CBR4: variants seen among roughly 807,000 people sequenced by gnomAD.
The protein encoded by CBR4 is 3-oxoacyl-[acyl-carrier-protein] reductase.
CBR4 carries 22 observed loss-of-function variants against 21.0 expected under a neutral mutation model. The observed-to-expected ratio is 1.05, with a 90% confidence interval of 0.75 to 1.50. The LOEUF (loss-of-function observed/expected upper bound fraction) is 1.50, where lower values mean the gene tolerates loss of function less well. CBR4 is among the 40% of genes most tolerant of loss of function. CBR4 has a pLI of 0.00. For synonymous variants in CBR4, 100 were observed against 104.4 expected, an observed-to-expected ratio of 0.96 and a Z score of 0.26; for missense variants, 302 against 286.3, an observed-to-expected ratio of 1.05 and a Z score of -0.40.
intron 2 of CBR4, among the ~76,000 whole-genome samples, chr4:168,922,384 C>A (rs1285939265): frequency 6.6e-6 from 1 of 152,126 alleles, no homozygotes; most frequent in Non-Finnish European, 1.5e-5. Context: ...ACATTTATTT[C>A]TTCTACCTCT....
chr4:168,966,356 CAAA>C (rs1215042926), intron 2 of CBR4, among the ~76,000 whole-genome samples: 1,054 of 75,200 alleles, frequency 0.014, 17 homozygotes, highest in African/African-American at 0.051. Flanking sequence ...ACTAAAAATA[CAAA>C]AAAAAAAAAA....
intron 2 of CBR4, among the ~76,000 whole-genome samples, chr4:168,968,095 GC>G (rs36087221): frequency 0.9 from 137,745 of 152,218 alleles, 62,411 homozygotes; most frequent in East Asian, 0.96. Flanking sequence ...CCAAAAGCCA[GC>G]CAAGTAATTT....
chr4:168,924,242 C>CATG (rs1479649043), intron 2 of CBR4: 1 of 1,610,860 alleles, frequency 6.2e-7, no homozygotes, highest in Non-Finnish European at 8.5e-7. Flanking sequence ...GAATTCATCT[C>CATG]ATGTTTTCTT....
intron 2 of CBR4, among the ~76,000 whole-genome samples, chr4:168,938,326 A>C (rs1175919009): frequency 2.0e-5 from 3 of 152,244 alleles, no homozygotes; most frequent in African/African-American, 2.4e-5. Context: ...ATTTAGAGGG[A>C]AATTTATAGC....
intron 2 of CBR4, among the ~76,000 whole-genome samples, chr4:168,955,986 T>G (rs1337115611): frequency 6.6e-6 from 1 of 151,990 alleles, no homozygotes; most frequent in Non-Finnish European, 1.5e-5. Flanking sequence ...ACCCCTTAAG[T>G]AAGGGGATTA....
At chr4:168,909,047 G>A (rs1212840607) in intron 2 of CBR4, among the ~76,000 whole-genome samples, 2 of 152,158 alleles carry the variant, frequency 1.3e-5, no homozygotes, top group Non-Finnish European at 2.9e-5. Context: ...ATTCATAAGA[G>A]ACCAAAGCAA....
chr4:168,978,619 C>A (rs1764445981), intron 2 of CBR4, among the ~76,000 whole-genome samples: 1 of 152,156 alleles, frequency 6.6e-6, no homozygotes. Context: ...CCCTGACCCC[C>A]TTCCCCTGTG....
intron 3 of CBR4, chr4:169,005,975 C>T: frequency 8.2e-6 from 9 of 1,093,798 alleles, no homozygotes; most frequent in Non-Finnish European, 8.6e-6. Flanking sequence ...TTCCAAATTA[C>T]CAAACTGAAA....
chr4:169,010,129 G>A lies in CBR4; in HGVS notation c.-40C>T. 1 of 1,535,074 alleles carries A rather than the reference G, an allele frequency of 6.5e-7. No homozygotes were observed. On this transcript the variant is annotated 5_prime_UTR_variant, in exon 1 of 5. Transcript: ENST00000306193. ...CTCGGAGGAAAGAGGGTAGGGAGTG[G>A]GAGCCCCTCTCCAGGTTCCCTCAGG...
At chr4:168,924,161 G>A (rs1448639179) in intron 2 of CBR4, 6 of 1,084,984 alleles carry the variant, frequency 5.5e-6, no homozygotes, top group Non-Finnish European at 8.4e-6. Flanking sequence ...TATCATAAAA[G>A]ATCTATTCAA....
chr4:168,983,591 A>G (rs1764603491), downstream of CBR4, among the ~76,000 whole-genome samples: 1 of 152,100 alleles, frequency 6.6e-6, no homozygotes, highest in Admixed American at 6.6e-5. Context: ...AAAACCTGGC[A>G]CAGACATAAT....
chr4:168,999,636 C>CAAA (rs35396431), intron 4 of CBR4, among the ~76,000 whole-genome samples: 53 of 77,288 alleles, frequency 6.9e-4, no homozygotes, highest in African/African-American at 2.3e-3. Flanking sequence ...CCACCACTTT[C>CAAA]AAAAAAAAAA....
At chr4:168,992,082 C>T (rs537521409) in intron 4 of CBR4, among the ~76,000 whole-genome samples, 2 of 152,250 alleles carry the variant, frequency 1.3e-5, no homozygotes, top group Non-Finnish European at 2.9e-5. Context: ...TTTAGGTTTG[C>T]AGTTATAAAT....
intron 2 of CBR4, 108 bp from the exon 3 acceptor site, chr4:169,006,999 GAGCTAGAAT>G (rs765029818): frequency 3.4e-5 from 28 of 815,478 alleles, no homozygotes; most frequent in Non-Finnish European, 4.4e-5. Flanking sequence ...CTTCCTATCT[GAGCTAGAAT>G]AGCTAGAATA....
intron 2 of CBR4, among the ~76,000 whole-genome samples, chr4:168,979,332 A>C (rs898533848): frequency 1.3e-5 from 2 of 152,156 alleles, no homozygotes; most frequent in African/African-American, 4.8e-5. Flanking sequence ...AATGGAAAGA[A>C]GAGCTTAAGG....
At position 168,990,117 on chromosome 4, in the gene CBR4, G is replaced by A. The variant is rs370839318; in HGVS notation, c.*33C>T. On this transcript the variant is annotated 3_prime_UTR_variant, in exon 5 of 5. Transcript: ENST00000306193. ...TCAGTAGCCAAAGTGTGCCCTTGAT[G>A]CTAATCACCCCTATAACTGAATAAT... The A allele has an allele frequency of 6.7e-7, 1 of 1,502,920 alleles. No homozygotes were observed. Among genetic ancestry groups the A allele is most frequent in the East Asian group, 2.5e-5 (1 of 40,088 alleles). The allele number at this position is 1,502,920 out of a possible 1,614,324, so 93.1% of individuals were successfully genotyped here. A position where few individuals can be genotyped will look rare whatever the true frequency, so the allele number is the denominator to read the frequency against.
rs763900244 is a variant in CBR4, at chr4:168,898,608, A to G, written n.170-3843T>C. 5.0e-6 allele frequency: 8 copies of G among 1,613,922 alleles called. No individual in the cohort carries two copies. The highest frequency in any genetic ancestry group is 6.8e-6 in the Non-Finnish European group (8 of 1,179,758). Reference sequence around the variant, plus strand: ...GTTCAGTATGGAGATGTGCCTGTGGAAAATGGAATGGCACCATTCTTTGAG... The same window carrying G: ...GTTCAGTATGGAGATGTGCCTGTGGGAAATGGAATGGCACCATTCTTTGAG... On this transcript the variant is annotated intron_variant and non_coding_transcript_variant, in intron 2 of 3. Transcript: ENST00000509108.
intron 2 of CBR4, among the ~76,000 whole-genome samples, chr4:168,934,869 G>C (rs1763065174): frequency 1.3e-5 from 2 of 151,940 alleles, no homozygotes; most frequent in Non-Finnish European, 2.9e-5. Flanking sequence ...ACCAGATAAG[G>C]ACATAACAAA....
chr4:168,967,442 A>G (rs1396654599), intron 2 of CBR4, among the ~76,000 whole-genome samples: 1 of 152,176 alleles, frequency 6.6e-6, no homozygotes, highest in Non-Finnish European at 1.5e-5. Flanking sequence ...CCAACATGGC[A>G]CATGTATACC....
Sources: allele counts gnomAD v4.1 joint callset (sites outside exome capture counted in the v4.1 genomes callset), GRCh38; gene constraint gnomAD v4.1.1; transcripts MANE v1.5; gene names NCBI Gene and HGNC (gene_info 2026-07-23, HGNC 2026-07-21).